KLRF1: variants seen among roughly 807,000 people sequenced by gnomAD.
The protein encoded by KLRF1 is killer cell lectin-like receptor subfamily F member 1.
KLRF1 carries 27 observed loss-of-function variants against 30.7 expected under a neutral mutation model. The ratio of observed to expected loss-of-function variants is 0.88; its 90% CI spans 0.65 to 1.21. KLRF1 has a LOEUF of 1.21. Ranked by LOEUF, KLRF1 falls within the 50% of genes most tolerant of loss-of-function variation. KLRF1 has a pLI of 0.00. For synonymous variants in KLRF1, 92 were observed against 89.3 expected (o/e 1.03, Z -0.17); for missense variants, 246 against 259.3 (o/e 0.95, Z 0.35).
At chr12:9,819,538 G>GT in the KLRF1 span, among the ~76,000 whole-genome samples, 25 of 152,086 alleles carry the variant, frequency 1.6e-4, no homozygotes, top group African/African-American at 3.1e-4. Context: ...CTGCCAGACT[G>GT]TTTTTTTCAC....
At chr12:9,806,350 T>A in the KLRF1 span, among the ~76,000 whole-genome samples, 2 of 152,210 alleles carry the variant, frequency 1.3e-5, no homozygotes, top group Admixed American at 6.5e-5. Context: ...AAAAATTCTA[T>A]CTTTTTTGAT....
chr12:9,820,431 G>A, the KLRF1 span, among the ~76,000 whole-genome samples: 2 of 152,130 alleles, frequency 1.3e-5, no homozygotes, highest in Middle Eastern at 3.2e-3. Flanking sequence ...TGTGGCTCTC[G>A]AGCCAGTAGC....
At chr12:9,831,278 A>T (rs1867421316) in intron 1 of KLRF1, among the ~76,000 whole-genome samples, 1 of 152,162 alleles carries the variant, frequency 6.6e-6, no homozygotes, top group Non-Finnish European at 1.5e-5. Context: ...ATGAATTCTG[A>T]TAAAATTATT....
At chr12:9,810,303 G>A in the KLRF1 span, among the ~76,000 whole-genome samples, 3 of 152,264 alleles carry the variant, frequency 2.0e-5, no homozygotes, top group East Asian at 1.9e-4. Context: ...GAGCCTGAAC[G>A]GAAGTTAAGC....
chr12:9,817,468 T>G, the KLRF1 span: 1 of 432,234 alleles, frequency 2.3e-6, no homozygotes, highest in Non-Finnish European at 4.4e-6. Flanking sequence ...TCTGAACCAG[T>G]TCATCCTTAT....
intron 3 of KLRF1, among the ~76,000 whole-genome samples, chr12:9,839,495 T>C (rs1867657623): frequency 6.6e-6 from 1 of 152,102 alleles, no homozygotes; most frequent in Non-Finnish European, 1.5e-5. Context: ...AGGAGTATTA[T>C]ATTCAGAACA....
At chr12:9,818,311 T>A in the KLRF1 span, among the ~76,000 whole-genome samples, 3 of 152,248 alleles carry the variant, frequency 2.0e-5, no homozygotes, top group Non-Finnish European at 4.4e-5. Flanking sequence ...TCTTTGTACC[T>A]GTCCATGTCT....
At chr12:9,800,622 G>C in the KLRF1 span, among the ~76,000 whole-genome samples, 1 of 151,832 alleles carries the variant, frequency 6.6e-6, no homozygotes, top group Non-Finnish European at 1.5e-5. Context: ...ATATGATATT[G>C]ATCATATTTT....
intron 3 of KLRF1, among the ~76,000 whole-genome samples, chr12:9,836,172 A>G (rs1354705915): frequency 1.3e-5 from 2 of 152,038 alleles, no homozygotes. Context: ...GTGACATAAG[A>G]ATGGGAATGA....
chr12:9,843,079 A>T (rs1172928224), intron 5 of KLRF1, among the ~76,000 whole-genome samples: 1 of 152,176 alleles, frequency 6.6e-6, no homozygotes, highest in Non-Finnish European at 1.5e-5. Flanking sequence ...GAATCTCGAG[A>T]TAGGGATATT....
rs938367271 is a variant in KLRF1 at position 9,842,035 on chromosome 12, C to T, written c.474+84C>T. The T allele has an allele frequency of 5.1e-6, 7 of 1,383,942 alleles. No homozygotes were observed. The African/African-American group carries it at 1.0e-4, about 20-fold the overall frequency. 85.7% of individuals were successfully genotyped at this position (1,383,942 alleles called of 1,614,324 possible). ...ATATCTTTCCATCTTTGCATTAAAT[C>T]ATCATTTACCTTGATTATCGAGTTT... On this transcript the variant is annotated intron_variant, in intron 4 of 5. Transcript: ENST00000617889.
intron 1 of KLRF1, among the ~76,000 whole-genome samples, chr12:9,830,820 A>G (rs1337026259): frequency 6.6e-6 from 1 of 151,764 alleles, no homozygotes; most frequent in African/African-American, 2.4e-5. Context: ...CCATTTTATT[A>G]TTTCTGGTTT....
At chr12:9,817,883 C>A in the KLRF1 span, 1 of 189,488 alleles carries the variant, frequency 5.3e-6, no homozygotes, top group South Asian at 1.4e-4. Context: ...AGATCATGCT[C>A]AACCAGCATC....
the KLRF1 span, among the ~76,000 whole-genome samples, chr12:9,816,553 T>G: frequency 6.6e-6 from 1 of 152,180 alleles, no homozygotes; most frequent in South Asian, 2.1e-4. Context: ...ACTTCTTTTT[T>G]TTTTTTTGAG....
At chr12:9,825,996 AT>A (rs1280996801), upstream of KLRF1, among the ~76,000 whole-genome samples, 3 of 152,252 alleles carry the variant, frequency 2.0e-5, no homozygotes, top group East Asian at 1.9e-4. Context: ...ATAAACAAAA[AT>A]AACACAAAAA....
chr12:9,844,571 T>C lies in KLRF1; in HGVS notation c.*45T>C. 9.0e-7 allele frequency: 1 copy of C among 1,112,420 alleles called. No homozygotes were observed. The highest frequency in any genetic ancestry group is 1.3e-6 in the Non-Finnish European group (1 of 743,558). 68.9% of individuals were successfully genotyped at this position (1,112,420 alleles called of 1,614,324 possible). A position where few individuals can be genotyped will look rare whatever the true frequency, so the allele number is the denominator to read the frequency against. ...TGAAATAATCAATGATCACTATTTTTGGCCTATTAGTTTCTAATATTAATC... is the reference window on the plus strand; with the variant it reads ...TGAAATAATCAATGATCACTATTTTCGGCCTATTAGTTTCTAATATTAATC... On this transcript the variant is annotated 3_prime_UTR_variant, in exon 6 of 6. Transcript: ENST00000617889.
chr12:9,804,533 T>C, the KLRF1 span, among the ~76,000 whole-genome samples: 2 of 152,088 alleles, frequency 1.3e-5, no homozygotes, highest in Non-Finnish European at 2.9e-5. Flanking sequence ...TGAAGATTTA[T>C]GGTCATTTTT....
At chr12:9,835,063 G>C (rs1166386345) in intron 3 of KLRF1, among the ~76,000 whole-genome samples, 2 of 152,116 alleles carry the variant, frequency 1.3e-5, no homozygotes, top group African/African-American at 4.8e-5. Flanking sequence ...AGTGGAGGCA[G>C]AAAGTCCTAA....
intron 3 of KLRF1, among the ~76,000 whole-genome samples, chr12:9,833,901 C>CTTTTTTTTTTTTTTTTTTTTTT (rs35443913): frequency 3.2e-4 from 26 of 82,404 alleles, no homozygotes; most frequent in Non-Finnish European, 4.1e-4. Context: ...AAATGTTTAA[C>CTTTTTTTTTTTTTTTTTTTTTT]TTTTTTTTTT....
Sources: gnomAD v4.1 joint callset for allele counts (sites outside exome capture counted in the v4.1 genomes callset) on GRCh38, gnomAD v4.1.1 for gene constraint, MANE v1.5 for transcripts, NCBI Gene and HGNC (gene_info 2026-07-23, HGNC 2026-07-21) for gene names.